Variants in TTC1 observed in about 807,000 individuals in gnomAD.
TTC1 encodes tetratricopeptide repeat protein 1.
In TTC1, 31 loss-of-function variants were observed where a neutral mutation model predicts 37.6. The ratio of observed to expected loss-of-function variants is 0.82; its 90% CI spans 0.62 to 1.11. The LOEUF is 1.11. TTC1 is among the 50% of genes most tolerant of loss of function. The pLI is 0.00. For missense variants in TTC1, 351 were observed against 339.0 expected (o/e 1.04, Z -0.28); for synonymous variants, 127 against 122.4 (o/e 1.04, Z -0.25).
At chr5:160,035,873 C>T (rs921260719) in intron 3 of TTC1, among the ~76,000 whole-genome samples, 7 of 151,732 alleles carry the variant, frequency 4.6e-5, no homozygotes, top group South Asian at 2.1e-4. Context: ...TAACATTTTC[C>T]GCTAGTTATT....
At chr5:160,010,361 AT>A (rs1047918418) in intron 1 of TTC1, 138 bp from the exon 2 acceptor site, 11 of 539,466 alleles carry the variant, frequency 2.0e-5, no homozygotes, top group African/African-American at 1.9e-4. Flanking sequence ...GATAAGCTGT[AT>A]TTTTAAATAA....
At chr5:160,051,572 G>C (rs1237609464) in intron 7 of TTC1, among the ~76,000 whole-genome samples, 2 of 152,196 alleles carry the variant, frequency 1.3e-5, no homozygotes, top group African/African-American at 4.8e-5. Context: ...ATGCAGTCAA[G>C]ATCATGAGAA....
At chr5:160,044,100 C>A (rs762147776) in intron 5 of TTC1, among the ~76,000 whole-genome samples, 2 of 152,158 alleles carry the variant, frequency 1.3e-5, no homozygotes, top group East Asian at 3.9e-4. Context: ...GTTTTTCTAG[C>A]AAATCACTAT....
intron 4 of TTC1, among the ~76,000 whole-genome samples, chr5:160,041,281 A>G (rs1276264133): frequency 1.3e-5 from 2 of 151,308 alleles, no homozygotes; most frequent in African/African-American, 4.9e-5. Context: ...GCCATTTATT[A>G]TCAAGTATTA....
At chr5:160,011,944 TTC>T (rs1479355664) in intron 2 of TTC1, among the ~76,000 whole-genome samples, 2 of 152,216 alleles carry the variant, frequency 1.3e-5, no homozygotes, top group East Asian at 3.8e-4. Flanking sequence ...CATCTTCTCT[TTC>T]TCTCTCCTTA....
Position 160,036,916 on chromosome 5 carries a change from A to T in TTC1, c.504+113A>T, listed in dbSNP as rs1015619747. 8.8e-6 allele frequency: 6 copies of T among 682,904 alleles called. No individual in the cohort carries two copies. The Admixed American group carries it at 1.3e-4, about 15-fold the overall frequency. 42.3% of individuals were successfully genotyped at this position (682,904 alleles called of 1,614,324 possible). A position where few individuals can be genotyped will look rare whatever the true frequency, so the allele number is the denominator to read the frequency against. On this transcript the variant is annotated intron_variant, in intron 4 of 7. Coordinates refer to ENST00000231238, the MANE Select transcript of TTC1 (RefSeq NM_003314.3). ...GGTTGCTGCCTCCCTTTTCCTGCCCATATATTTCCCTGATGTAAAGGCCAC... is the reference window on the plus strand; with the variant it reads ...GGTTGCTGCCTCCCTTTTCCTGCCCTTATATTTCCCTGATGTAAAGGCCAC...
intron 3 of TTC1, among the ~76,000 whole-genome samples, chr5:160,036,102 G>A (rs55778002): frequency 6.6e-6 from 1 of 151,930 alleles, no homozygotes; most frequent in African/African-American, 2.4e-5. Flanking sequence ...TTTTCTATTA[G>A]TATCCTGACC....
At chr5:160,063,738 AT>A (rs1471675893) in intron 7 of TTC1, 2 of 152,092 alleles carry the variant, frequency 1.3e-5, no homozygotes, top group African/African-American at 2.4e-5. Flanking sequence ...CCCTGCCAAA[AT>A]TTTCTGGAAC....
intron 2 of TTC1, among the ~76,000 whole-genome samples, chr5:160,019,468 A>ACT (rs755448767): frequency 2.6e-5 from 4 of 151,148 alleles, no homozygotes; most frequent in South Asian, 2.1e-4. Flanking sequence ...TGCAGGGAAT[A>ACT]CTCTCGATTG....
At chr5:160,031,160 G>T (rs1756901358) in intron 2 of TTC1, among the ~76,000 whole-genome samples, 1 of 152,158 alleles carries the variant, frequency 6.6e-6, no homozygotes, top group African/African-American at 2.4e-5. Context: ...TCCTCAAAGT[G>T]CTATTTTTAG....
intron 2 of TTC1, among the ~76,000 whole-genome samples, chr5:160,017,270 A>C (rs908291461): frequency 2.6e-5 from 4 of 152,196 alleles, no homozygotes; most frequent in Non-Finnish European, 5.9e-5. Flanking sequence ...ATAACTTATA[A>C]ATAATAGAAA....
chr5:160,024,588 ACG>A (rs1756768616), intron 2 of TTC1, among the ~76,000 whole-genome samples: 1 of 151,902 alleles, frequency 6.6e-6, no homozygotes, highest in Admixed American at 6.6e-5. Flanking sequence ...CCTCAAACTT[ACG>A]GGCTCAAGTG....
chr5:160,044,478 G>A (rs1757164908), intron 5 of TTC1, among the ~76,000 whole-genome samples: 1 of 152,222 alleles, frequency 6.6e-6, no homozygotes, highest in Non-Finnish European at 1.5e-5. Context: ...CAAGAATGGG[G>A]CAGAGATTTC....
chr5:160,022,200 T>C (rs1756722538), intron 2 of TTC1, among the ~76,000 whole-genome samples: 1 of 152,198 alleles, frequency 6.6e-6, no homozygotes, highest in South Asian at 2.1e-4. Context: ...ATAGATGGGG[T>C]ATACACTTAT....
chr5:160,028,774 T>C (rs1433276195), intron 2 of TTC1, among the ~76,000 whole-genome samples: 1 of 152,116 alleles, frequency 6.6e-6, no homozygotes, highest in Non-Finnish European at 1.5e-5. Context: ...GCCCCTGGCC[T>C]GCCCAGTTTT....
chr5:160,015,118 T>C (rs1756577789), intron 2 of TTC1, among the ~76,000 whole-genome samples: 1 of 152,160 alleles, frequency 6.6e-6, no homozygotes, highest in Non-Finnish European at 1.5e-5. Flanking sequence ...ACTAAGTGAT[T>C]AGAGTTTTAG....
rs1368885631 is a variant in TTC1 at position 160,057,653 on chromosome 5, C to T, written c.745+6470C>T. Among the ~76,000 whole-genome samples, 1 of 152,154 alleles carries T rather than the reference C, an allele frequency of 6.6e-6. No homozygotes were observed. On this transcript the variant is annotated intron_variant, in intron 7 of 7. Coordinates refer to ENST00000231238, the MANE Select transcript of TTC1 (RefSeq NM_003314.3). The surrounding 1 kb of genome is among the most constrained non-coding windows in gnomAD (Gnocchi z 4.4). ...CCTTTCATGAAAGATTTCTCAGTAG[C>T]ATGCAGTGCTGTTTGATAGCATTTT...
At chr5:160,018,190 A>G (rs746628747) in intron 2 of TTC1, among the ~76,000 whole-genome samples, 2 of 152,238 alleles carry the variant, frequency 1.3e-5, no homozygotes, top group African/African-American at 4.8e-5. Context: ...AGAAGGCACC[A>G]TATTGAAGCA....
At position 160,054,258 on chromosome 5, in the gene TTC1, G is replaced by T. The variant is rs544299878; in HGVS notation, c.745+3075G>T. 4.0e-4 allele frequency among the ~76,000 whole-genome samples: 61 copies of T among 152,302 alleles called. No individual in the cohort carries two copies. In the South Asian group the frequency reaches 0.012, roughly 31 times the overall value. On this transcript the variant is annotated intron_variant, in intron 7 of 7. Transcript: ENST00000231238. ...GGCTCAGAGCATTTTTGAGGAGCTA[G>T]TCATTGATGCTTTATTTGCTTTCTC...
Sources: gnomAD v4.1 joint callset for allele counts (sites outside exome capture counted in the v4.1 genomes callset) on GRCh38, gnomAD v4.1.1 for gene constraint, Gnocchi (gnomAD v3.1) non-coding constraint, MANE v1.5 for transcripts, NCBI Gene and HGNC (gene_info 2026-07-23, HGNC 2026-07-21) for gene names.